The following BTRC variants were observed in gnomAD, a reference collection of about 807,000 sequenced individuals.
BTRC encodes F-box/WD repeat-containing protein 1A.
A neutral mutation model predicts 85.5 loss-of-function variants in BTRC; 42 were observed. That is an observed-to-expected ratio of 0.49 (90% CI 0.38 to 0.64). BTRC has a LOEUF of 0.64. Among genes scored for constraint, BTRC ranks in the 30% least tolerant of loss-of-function variants. The pLI is 0.00. For missense variants in BTRC, 594 were observed against 743.5 expected (o/e 0.80, Z 2.34); for synonymous variants, 255 against 263.3 (o/e 0.97, Z 0.30).
chr10:101,489,275 A>T (rs1946068116), intron 4 of BTRC, among the ~76,000 whole-genome samples: 1 of 152,076 alleles, frequency 6.6e-6, no homozygotes, highest in Non-Finnish European at 1.5e-5. Flanking sequence ...TCCCAGAATC[A>T]AGAATAAAAG....
chr10:101,459,987 A>G (rs1363118830), intron 2 of BTRC, among the ~76,000 whole-genome samples: 1 of 152,224 alleles, frequency 6.6e-6, no homozygotes, highest in Non-Finnish European at 1.5e-5. Flanking sequence ...AGCAAAAAGT[A>G]ATTAGGCTCC....
intron 8 of BTRC, among the ~76,000 whole-genome samples, chr10:101,532,750 A>ATATGTGTG (rs1366180028): frequency 8.8e-5 from 9 of 102,186 alleles, no homozygotes. Context: ...CTGAAGCTAT[A>ATATGTGTG]TGTGTGTGTG....
intron 2 of BTRC, among the ~76,000 whole-genome samples, chr10:101,435,899 G>A (rs1009674399): frequency 6.6e-6 from 1 of 151,744 alleles, no homozygotes; most frequent in Admixed American, 6.6e-5. Context: ...GATTCTTTTA[G>A]TAAGTTTGAA....
intron 1 of BTRC, among the ~76,000 whole-genome samples, chr10:101,384,637 G>A (rs1272849648): frequency 6.6e-6 from 1 of 152,168 alleles, no homozygotes; most frequent in Non-Finnish European, 1.5e-5. Flanking sequence ...CTCAGGTTTG[G>A]ACTAACAGTC....
At chr10:101,521,045 A>G (rs2134366214) in intron 4 of BTRC, among the ~76,000 whole-genome samples, 1 of 152,258 alleles carries the variant, frequency 6.6e-6, no homozygotes, top group East Asian at 1.9e-4. Flanking sequence ...AGGCAGGAAA[A>G]TTGCTTGAAG....
At chr10:101,497,327 A>G (rs1457663240) in intron 4 of BTRC, among the ~76,000 whole-genome samples, 5 of 152,190 alleles carry the variant, frequency 3.3e-5, no homozygotes, top group East Asian at 3.8e-4. Flanking sequence ...AGAATCGCCA[A>G]TATTTACCAG....
chr10:101,543,356 GTC>G (rs1427359028), intron 13 of BTRC, among the ~76,000 whole-genome samples: 1 of 151,688 alleles, frequency 6.6e-6, no homozygotes, highest in African/African-American at 2.4e-5. Context: ...TATGATTAGT[GTC>G]TGTGTGGTGT....
chr10:101,387,269 A>C (rs1365388094), intron 1 of BTRC, among the ~76,000 whole-genome samples: 1 of 151,726 alleles, frequency 6.6e-6, no homozygotes, highest in Non-Finnish European at 1.5e-5. Context: ...TGATACATAT[A>C]GTGATCAGAT....
chr10:101,545,198 AT>A (rs1242350694), intron 13 of BTRC, among the ~76,000 whole-genome samples: 1 of 150,984 alleles, frequency 6.6e-6, no homozygotes, highest in East Asian at 1.9e-4. Context: ...TGCTTTTAAG[AT>A]TTTCTCTTTA....
chr10:101,419,379 C>T (rs1426457981), intron 1 of BTRC, among the ~76,000 whole-genome samples: 1 of 152,140 alleles, frequency 6.6e-6, no homozygotes, highest in Non-Finnish European at 1.5e-5. Context: ...TTTAGAATCT[C>T]TCTCACAAGG....
chr10:101,403,677 A>T (rs1943543290), intron 1 of BTRC, among the ~76,000 whole-genome samples: 1 of 151,810 alleles, frequency 6.6e-6, no homozygotes, highest in Non-Finnish European at 1.5e-5. Context: ...TGCAGCCTCG[A>T]CCTCTCAGGC....
chr10:101,448,179 G>C (rs1176887669), intron 2 of BTRC, among the ~76,000 whole-genome samples: 1 of 152,068 alleles, frequency 6.6e-6, no homozygotes, highest in Non-Finnish European at 1.5e-5. Flanking sequence ...AAGACCTTAG[G>C]CTTAAGAGAA....
At chr10:101,500,088 A>G (rs1453086272) in intron 4 of BTRC, among the ~76,000 whole-genome samples, 2 of 151,398 alleles carry the variant, frequency 1.3e-5, no homozygotes, top group East Asian at 1.9e-4. Context: ...TTGTGGCCCT[A>G]CTGTGGTTGT....
chr10:101,536,491 A>T, intron 11 of BTRC, 52 bp from the exon 12 acceptor site: 1 of 1,377,142 alleles, frequency 7.3e-7, no homozygotes, highest in Non-Finnish European at 1.0e-6. Context: ...ATAACATTCC[A>T]GGCTTAGAAA....
chr10:101,500,644 A>G (rs920478323), intron 4 of BTRC, among the ~76,000 whole-genome samples: 1 of 152,216 alleles, frequency 6.6e-6, no homozygotes, highest in Non-Finnish European at 1.5e-5. Context: ...AAACTTCAAG[A>G]AGGCATTACT....
chr10:101,482,637 C>T (rs142319833), intron 4 of BTRC, among the ~76,000 whole-genome samples: 19 of 151,186 alleles, frequency 1.3e-4, no homozygotes, highest in East Asian at 1.2e-3. Context: ...CGTCGTGATC[C>T]GCTTGCCTCA....
intron 2 of BTRC, among the ~76,000 whole-genome samples, chr10:101,439,609 A>G (rs1944627763): frequency 6.6e-6 from 1 of 152,154 alleles, no homozygotes; most frequent in African/African-American, 2.4e-5. Flanking sequence ...TTTCTCCCCC[A>G]TTTGTCTGCT....
chr10:101,514,454 C>A (rs1308648042), intron 4 of BTRC, among the ~76,000 whole-genome samples: 1 of 142,528 alleles, frequency 7.0e-6, no homozygotes, highest in African/African-American at 2.5e-5. Context: ...ACAATCCTTT[C>A]CCTATTTAAT....
intron 1 of BTRC, among the ~76,000 whole-genome samples, chr10:101,405,100 G>T (rs1297120191): frequency 3.3e-5 from 5 of 151,916 alleles, no homozygotes; most frequent in Non-Finnish European, 5.9e-5. Context: ...CACTTTATGG[G>T]GCCATTTTCT....
Sources: allele counts gnomAD v4.1 joint callset (sites outside exome capture counted in the v4.1 genomes callset), GRCh38; gene constraint gnomAD v4.1.1; transcripts MANE v1.5; gene names NCBI Gene and HGNC (gene_info 2026-07-23, HGNC 2026-07-21).